The following TMEM217B variants were observed in gnomAD, a reference collection of about 807,000 sequenced individuals.
The protein encoded by TMEM217B is putative transmembrane protein 217B.
At chr6:37,218,754 C>G in the TMEM217B span, 1 of 1,614,076 alleles carries the variant, frequency 6.2e-7, no homozygotes, top group Non-Finnish European at 8.5e-7. Context: ...ATGACCAGGC[C>G]CCTGAAGATC....
the TMEM217B span, among the ~76,000 whole-genome samples, chr6:37,220,322 G>T: frequency 6.6e-6 from 1 of 152,204 alleles, no homozygotes; most frequent in African/African-American, 2.4e-5. Flanking sequence ...TGACAGCAAT[G>T]CAGGGTAAAG....
chr6:37,224,422 C>A, the TMEM217B span, among the ~76,000 whole-genome samples: 1 of 150,494 alleles, frequency 6.6e-6, no homozygotes, highest in Non-Finnish European at 1.5e-5. Flanking sequence ...CATGATGAAA[C>A]CCTGTCTCTA....
the TMEM217B span, chr6:37,212,480 A>G: frequency 2.2e-6 from 1 of 455,242 alleles, no homozygotes; most frequent in Non-Finnish European, 4.4e-6. Flanking sequence ...GCAATGGTGG[A>G]GCAGAGCCTG....
chr6:37,257,345 T>C, the TMEM217B span, among the ~76,000 whole-genome samples: 1 of 152,162 alleles, frequency 6.6e-6, no homozygotes, highest in African/African-American at 2.4e-5. Context: ...CGAATGGACA[T>C]GTAAACGGAA....
chr6:37,227,719 G>C, the TMEM217B span, among the ~76,000 whole-genome samples: 1 of 151,874 alleles, frequency 6.6e-6, no homozygotes, highest in African/African-American at 2.4e-5. Context: ...GCTGTGCTGG[G>C]ATTACAGGTA....
At chr6:37,257,582 T>C in the TMEM217B span, 2 of 375,250 alleles carry the variant, frequency 5.3e-6, no homozygotes, top group African/African-American at 2.1e-5. Context: ...TTCTTCCCTC[T>C]CGCGGGTAGG....
the TMEM217B span, among the ~76,000 whole-genome samples, chr6:37,243,353 G>A: frequency 6.6e-6 from 1 of 152,146 alleles, no homozygotes; most frequent in Non-Finnish European, 1.5e-5. Flanking sequence ...AGAATGGATT[G>A]AAAGGGGGAA....
chr6:37,248,108 C>G, the TMEM217B span, among the ~76,000 whole-genome samples: 3 of 152,098 alleles, frequency 2.0e-5, no homozygotes, highest in African/African-American at 7.2e-5. Flanking sequence ...CAAGGCCTTC[C>G]TCAGCTTCCC....
the TMEM217B span, chr6:37,212,874 A>G: frequency 4.7e-5 from 69 of 1,481,096 alleles, no homozygotes; most frequent in Non-Finnish European, 6.1e-5. Flanking sequence ...CCTCATAGCA[A>G]ATGTGTGTCT....
At chr6:37,213,173 A>T in the TMEM217B span, among the ~76,000 whole-genome samples, 2 of 152,236 alleles carry the variant, frequency 1.3e-5, no homozygotes, top group Non-Finnish European at 2.9e-5. Context: ...AACTTGCTAG[A>T]TGTGACCACA....
chr6:37,237,426 C>A, the TMEM217B span, among the ~76,000 whole-genome samples: 136,391 of 152,264 alleles, frequency 0.9, 61,129 homozygotes, highest in African/African-American at 0.93. Context: ...TGGTAGCCCA[C>A]TGTAAATATC....
chr6:37,242,851 A>T, the TMEM217B span, among the ~76,000 whole-genome samples: 1 of 152,192 alleles, frequency 6.6e-6, no homozygotes, highest in East Asian at 1.9e-4. Context: ...GACTCACACC[A>T]GTATCCCAGG....
At chr6:37,239,866 G>A in the TMEM217B span, among the ~76,000 whole-genome samples, 3 of 150,918 alleles carry the variant, frequency 2.0e-5, no homozygotes, top group Non-Finnish European at 2.9e-5. Context: ...ACCAGCCTGG[G>A]CAACATGGTG....
the TMEM217B span, among the ~76,000 whole-genome samples, chr6:37,216,339 A>G: frequency 6.6e-6 from 1 of 152,088 alleles, no homozygotes; most frequent in Admixed American, 6.6e-5. Context: ...TTGGCCTCCA[A>G]AAGTATTGGG....
chr6:37,249,657 A>C, the TMEM217B span, among the ~76,000 whole-genome samples: 1 of 152,104 alleles, frequency 6.6e-6, no homozygotes, highest in East Asian at 1.9e-4. Context: ...AGAGACTAAG[A>C]TTTCTACTTT....
chr6:37,215,204 G>A, the TMEM217B span: 2 of 1,613,650 alleles, frequency 1.2e-6, no homozygotes, highest in Non-Finnish European at 1.7e-6. Context: ...TCACTCAGCA[G>A]ACATCTATTG....
the TMEM217B span, chr6:37,218,906 C>T: frequency 4.6e-5 from 74 of 1,614,080 alleles, 1 homozygote; most frequent in South Asian, 7.9e-4. Context: ...GATCTCAGTG[C>T]AACTGCCATT....
At chr6:37,247,511 C>G in the TMEM217B span, among the ~76,000 whole-genome samples, 1 of 151,934 alleles carries the variant, frequency 6.6e-6, no homozygotes, top group South Asian at 2.1e-4. Flanking sequence ...CCTCAGCCTC[C>G]CAAGTAGCTG....
At chr6:37,218,637 A>G in the TMEM217B span, 1 of 1,614,178 alleles carries the variant, frequency 6.2e-7, no homozygotes, top group Non-Finnish European at 8.5e-7. Flanking sequence ...CGAGACACCA[A>G]GCCAAACCAG....
Sources: gnomAD v4.1 joint callset for allele counts (sites outside exome capture counted in the v4.1 genomes callset) on GRCh38, gnomAD v4.1.1 for gene constraint, MANE v1.5 for transcripts, NCBI Gene and HGNC (gene_info 2026-07-23, HGNC 2026-07-21) for gene names.